The following TMPRSS11A variants were observed in gnomAD, a reference collection of about 807,000 sequenced individuals.
TMPRSS11A encodes transmembrane protease serine 11A.
In TMPRSS11A, 53 loss-of-function variants were observed where a neutral mutation model predicts 58.9. The observed-to-expected ratio is 0.90, with a 90% CI of 0.72 to 1.13. The LOEUF is 1.13. Ranked by LOEUF, TMPRSS11A falls within the 50% of genes most tolerant of loss-of-function variation. The probability of loss-of-function intolerance (pLI) is 0.00; values close to 1 mark genes in which losing one functional copy is unlikely to be tolerated. For synonymous variants in TMPRSS11A, 167 were observed against 169.8 expected (o/e 0.98, Z 0.13); for missense variants, 493 against 499.3 (o/e 0.99, Z 0.12).
intron 1 of TMPRSS11A, among the ~76,000 whole-genome samples, chr4:67,951,276 C>T (rs1033278636): frequency 2.6e-5 from 4 of 152,224 alleles, no homozygotes; most frequent in Admixed American, 6.5e-5. Context: ...AATTTCATGA[C>T]TTTGCTTTCT....
At chr4:67,911,939 G>A (rs2109729854) in intron 9 of TMPRSS11A, among the ~76,000 whole-genome samples, 1 of 151,984 alleles carries the variant, frequency 6.6e-6, no homozygotes, top group South Asian at 2.1e-4. Flanking sequence ...ACGTAGTTAG[G>A]GATTTAGTTG....
Position 67,934,091 on chromosome 4 carries a change from T to G in TMPRSS11A, c.253-2031A>C, listed in dbSNP as rs188573096. Reference sequence around the variant, plus strand: ...AGAATCTAGGCAGAAGTAACTTTGGTGATCACAATAATAAAAAGGATCCTT... The same window carrying G: ...AGAATCTAGGCAGAAGTAACTTTGGGGATCACAATAATAAAAAGGATCCTT... On this transcript the variant is annotated intron_variant, in intron 3 of 9. Transcript: ENST00000508048. 3.9e-5 allele frequency among the ~76,000 whole-genome samples: 6 copies of G among 152,288 alleles called. No homozygotes were observed. The East Asian group carries it at 1.2e-3, about 29-fold the overall frequency.
At chr4:67,930,605 C>T (rs1264943861) in intron 4 of TMPRSS11A, among the ~76,000 whole-genome samples, 2 of 151,954 alleles carry the variant, frequency 1.3e-5, no homozygotes, top group East Asian at 3.9e-4. Flanking sequence ...TATTTGAAGA[C>T]AACAATATTG....
intron 2 of TMPRSS11A, 51 bp downstream of exon 2, chr4:67,946,399 G>A (rs1282109715): frequency 6.5e-7 from 1 of 1,538,280 alleles, no homozygotes; most frequent in Non-Finnish European, 8.7e-7. Context: ...TGTAAATGGA[G>A]CTTTGCAGAA....
chr4:67,950,514 G>T (rs780802162), intron 1 of TMPRSS11A, among the ~76,000 whole-genome samples: 1 of 152,116 alleles, frequency 6.6e-6, no homozygotes, highest in African/African-American at 2.4e-5. Flanking sequence ...CAATTGATTC[G>T]GGAACTTTAT....
In TMPRSS11A at chr4:67,929,953, G is replaced by A. The variant is rs1220797753; in HGVS notation, c.408C>T (p.Ile136=). ...TEQRAVREKK[I]QSILNQKIRN... ...TTATCTTCTGATTTAAGATGCTTTGGATTTTCTTCTCTCTTACTGCCCTTT... is the reference window on the plus strand; with the variant it reads ...TTATCTTCTGATTTAAGATGCTTTGAATTTTCTTCTCTCTTACTGCCCTTT... The change falls in exon 5 of 10, where the codon ATC becomes ATT. Residue 136 remains isoleucine (I), a synonymous_variant. Transcript: ENST00000508048. 1 of 1,613,754 alleles carries A rather than the reference G, an allele frequency of 6.2e-7. No individual in the cohort carries two copies. Among genetic ancestry groups the A allele is most frequent in the Non-Finnish European group, 8.5e-7 (1 of 1,179,764 alleles).
In TMPRSS11A at chr4:67,920,546, TA is replaced by T. The variant is rs1157175063; in HGVS notation, c.693-1315del. ...AGGTAATTATATATATATATATATATATATTTTTTTTTATATATACACACAC... is the reference window on the plus strand; with the variant it reads ...AGGTAATTATATATATATATATATATTATTTTTTTTTATATATACACACAC... On this transcript the variant is annotated intron_variant, in intron 7 of 9. Transcript: ENST00000508048. Among the ~76,000 whole-genome samples the T allele has an allele frequency of 9.4e-3, 748 of 80,000 alleles. 7 individuals carry two copies. The highest frequency in any genetic ancestry group is 0.037 in the African/African-American group (677 of 18,344). 52.5% of individuals were successfully genotyped at this position (80,000 alleles called of 152,430 possible).
intron 4 of TMPRSS11A, among the ~76,000 whole-genome samples, chr4:67,930,808 CTTTTTTTT>C (rs67302217): frequency 7.8e-5 from 4 of 51,160 alleles, no homozygotes; most frequent in Non-Finnish European, 9.7e-5. Flanking sequence ...GTTATCTCTC[CTTTTTTTT>C]TTTTTTTTTT....
intron 6 of TMPRSS11A, among the ~76,000 whole-genome samples, chr4:67,923,541 C>G (rs1383486356): frequency 1.3e-5 from 2 of 152,158 alleles, no homozygotes; most frequent in African/African-American, 4.8e-5. Flanking sequence ...GAGTCTCACT[C>G]TGTCGCTGAG....
In TMPRSS11A at chr4:67,930,829, T is replaced by TTTTTAAA. The variant is rs1265700805; in HGVS notation, c.321-790_321-789insTTTAAAA. On this transcript the variant is annotated intron_variant, in intron 4 of 9. Coordinates refer to ENST00000508048, the MANE Select transcript of TMPRSS11A (RefSeq NM_001114387.2). The stretch of plus-strand genomic sequence containing the variant: ...TCTCCTTTTTTTTTTTTTTTTTTTT[T>TTTTTAAA]ACAAAAAAAAAAAAAACTGTGAAAA... Among the ~76,000 whole-genome samples the TTTTTAAA allele has an allele frequency of 3.0e-4, 27 of 90,098 alleles. 1 individual carries two copies. Among genetic ancestry groups the TTTTTAAA allele is most frequent in the East Asian group, 1.0e-3 (2 of 1,986 alleles). 59.1% of individuals were successfully genotyped at this position (90,098 alleles called of 152,430 possible).
chr4:67,928,945 C>T (rs1720542702), intron 5 of TMPRSS11A, among the ~76,000 whole-genome samples: 1 of 152,128 alleles, frequency 6.6e-6, no homozygotes, highest in Non-Finnish European at 1.5e-5. Flanking sequence ...GCTTAGCGGA[C>T]GAGGGTAAAC....
At chr4:67,949,895 A>G (rs78856213) in intron 1 of TMPRSS11A, among the ~76,000 whole-genome samples, 1 of 152,174 alleles carries the variant, frequency 6.6e-6, no homozygotes, top group Non-Finnish European at 1.5e-5. Flanking sequence ...TGCAGAGGCC[A>G]TATTAGTCAT....
chr4:67,948,310 C>T (rs1721076613), intron 1 of TMPRSS11A, among the ~76,000 whole-genome samples: 1 of 152,034 alleles, frequency 6.6e-6, no homozygotes, highest in Non-Finnish European at 1.5e-5. Flanking sequence ...AGGCGTCCAC[C>T]ACCACGCCCG....
At chr4:67,949,249 A>T (rs1380796270) in intron 1 of TMPRSS11A, among the ~76,000 whole-genome samples, 2 of 152,142 alleles carry the variant, frequency 1.3e-5, no homozygotes, top group Admixed American at 6.5e-5. Context: ...AAGGAACTGA[A>T]CCGTGGGATC....
At chr4:67,913,775 C>T (rs1475137382) in intron 9 of TMPRSS11A, among the ~76,000 whole-genome samples, 2 of 152,190 alleles carry the variant, frequency 1.3e-5, no homozygotes, top group Non-Finnish European at 1.5e-5. Flanking sequence ...TGATAGAGGT[C>T]GCACATGTGG....
rs755335925 is a variant in TMPRSS11A at position 67,924,143 on chromosome 4, A to T, written c.505T>A (p.Leu169Ile). 2.5e-6 allele frequency: 4 copies of T among 1,613,328 alleles called. No individual in the cohort carries two copies. In the African/African-American group the frequency reaches 5.3e-5, roughly 22 times the overall value. Residue 169 changes from leucine (L) to isoleucine (I), a missense_variant, in exon 6 of 10, where the codon TTA becomes ATA. Transcript: ENST00000508048. The stretch of plus-strand genomic sequence containing the variant: ...CTTGACTTACTTGCTTGGACAGTTA[A>T]CTCCCCTGTTGATGAGCTCATTGCT... ...VNAMSSSTGE[L>I]TVQASCGKRV...
intron 3 of TMPRSS11A, among the ~76,000 whole-genome samples, chr4:67,936,054 A>T (rs747221614): frequency 6.6e-6 from 1 of 152,088 alleles, no homozygotes; most frequent in Non-Finnish European, 1.5e-5. Context: ...TGACTTGCCC[A>T]AGTTGACACC....
At chr4:67,920,545 ATATATTT>A (rs1396842422) in intron 7 of TMPRSS11A, among the ~76,000 whole-genome samples, 1 of 88,682 alleles carries the variant, frequency 1.1e-5, no homozygotes, top group Non-Finnish European at 2.5e-5. Context: ...ATATATATAT[ATATATTT>A]TTTTTTATAT....
chr4:67,955,539 A>C (rs1721266804), intron 1 of TMPRSS11A, among the ~76,000 whole-genome samples: 1 of 152,220 alleles, frequency 6.6e-6, no homozygotes, highest in Non-Finnish European at 1.5e-5. Flanking sequence ...TGTACAACAT[A>C]AATATGCCTT....
Sources: allele counts gnomAD v4.1 joint callset (sites outside exome capture counted in the v4.1 genomes callset), GRCh38; gene constraint gnomAD v4.1.1; transcripts MANE v1.5; gene names NCBI Gene and HGNC (gene_info 2026-07-23, HGNC 2026-07-21).